The following UBR4 variants were observed in gnomAD, a reference collection of about 807,000 sequenced individuals.
UBR4 encodes the protein E3 ubiquitin-protein ligase UBR4.
A neutral mutation model predicts 575.6 loss-of-function variants in UBR4; 124 were observed. The ratio of observed to expected loss-of-function variants is 0.22; its 90% CI spans 0.19 to 0.25. UBR4 has a LOEUF of 0.25. Ranked by LOEUF, UBR4 falls within the 10% of genes least tolerant of loss-of-function variation. The probability of loss-of-function intolerance (pLI) is 1.00; values close to 1 mark genes in which losing one functional copy is unlikely to be tolerated. For synonymous variants in UBR4, 2,455 were observed against 2,473.7 expected (o/e 0.99, Z 0.22); for missense variants, 4,818 against 6,478.8 (o/e 0.74, Z 8.80).
At chr1:19,156,514 T>C in intron 41 of UBR4, 91 bp from the exon 42 acceptor site, 1 of 1,470,286 alleles carries the variant, frequency 6.8e-7, no homozygotes, top group Non-Finnish European at 9.2e-7. Flanking sequence ...TTTTTTCCTC[T>C]AATATCCCCT....
chr1:19,176,820 TGGTA>T, intron 19 of UBR4, 93 bp from the exon 20 acceptor site: 3 of 1,403,740 alleles, frequency 2.1e-6, no homozygotes, highest in Non-Finnish European at 2.9e-6. Context: ...CACTGAATCT[TGGTA>T]ATCTGAATGT....
At chr1:19,124,485 G>A in intron 65 of UBR4, 56 bp downstream of exon 65, 1 of 1,598,498 alleles carries the variant, frequency 6.3e-7, no homozygotes, top group Non-Finnish European at 8.5e-7. Flanking sequence ...GCCCACAGAG[G>A]TGAATGCAGA....
intron 1 of UBR4, among the ~76,000 whole-genome samples, chr1:19,207,270 A>G (rs756107782): frequency 1.3e-5 from 2 of 152,378 alleles, no homozygotes; most frequent in South Asian, 2.1e-4. Flanking sequence ...ATCTGGTACT[A>G]TAGCTTCCTA....
intron 55 of UBR4, among the ~76,000 whole-genome samples, chr1:19,143,596 C>T (rs2084409580): frequency 6.6e-6 from 1 of 152,174 alleles, no homozygotes; most frequent in Admixed American, 6.5e-5. Context: ...GAGCTTCTAT[C>T]CCAAGAAAAG....
intron 92 of UBR4, among the ~76,000 whole-genome samples, chr1:19,096,276 T>C (rs898410021): frequency 2.6e-5 from 4 of 152,128 alleles, no homozygotes; most frequent in African/African-American, 7.2e-5. Flanking sequence ...AGTGCAGCTA[T>C]TTGGGGAAAG....
chr1:19,140,285 T>C (rs1033784835), intron 58 of UBR4, among the ~76,000 whole-genome samples: 2 of 152,072 alleles, frequency 1.3e-5, no homozygotes, highest in Non-Finnish European at 2.9e-5. Flanking sequence ...AGATTTGCTA[T>C]AGATTTTAAT....
rs1041247989 is a variant in UBR4, at chr1:19,205,542, T to C, written c.177-3727A>G. Among the ~76,000 whole-genome samples, 4 of 152,278 alleles carry C rather than the reference T, an allele frequency of 2.6e-5. 1 individual carries two copies. The South Asian group carries it at 8.3e-4, about 32-fold the overall frequency. Reference sequence around the variant, plus strand: ...AACTGTCTTTCAGATACTTCCCTCATACTCTTGAAAAATCTGTGGTTAATG... The same window carrying C: ...AACTGTCTTTCAGATACTTCCCTCACACTCTTGAAAAATCTGTGGTTAATG... On this transcript the variant is annotated intron_variant, in intron 1 of 105. Coordinates refer to ENST00000375254, the MANE Select transcript of UBR4 (RefSeq NM_020765.3).
chr1:19,184,825 C>T (rs2091365815), intron 15 of UBR4, among the ~76,000 whole-genome samples: 1 of 152,084 alleles, frequency 6.6e-6, no homozygotes, highest in South Asian at 2.1e-4. Flanking sequence ...ACAATCACTC[C>T]CATATGATAG....
intron 27 of UBR4, among the ~76,000 whole-genome samples, chr1:19,169,132 T>C (rs1289998736): frequency 1.3e-5 from 2 of 152,176 alleles, no homozygotes; most frequent in South Asian, 2.1e-4. Flanking sequence ...CCAGGTAATA[T>C]GCTAGGCACT....
chr1:19,176,740 A>AT lies in UBR4; in HGVS notation c.2638-14_2638-13insA. On this transcript the variant is annotated splice_polypyrimidine_tract_variant and intron_variant, in intron 19 of 105. Transcript: ENST00000375254. Reference sequence around the variant, plus strand: ...GGTTATGCTGTACCTTTTAAAACACAAATACTGAAATTAAGAAAGATACAC... The same window carrying AT: ...GGTTATGCTGTACCTTTTAAAACACATAATACTGAAATTAAGAAAGATACAC... 1 of 1,611,474 alleles carries AT rather than the reference A, an allele frequency of 6.2e-7. No individual in the cohort carries two copies.
chr1:19,186,601 G>T lies in UBR4; in HGVS notation c.1689C>A (p.Ser563=), dbSNP rs200820616. 46 of 1,614,006 alleles carry T rather than the reference G, an allele frequency of 2.9e-5. No individual in the cohort carries two copies. In the Middle Eastern group the frequency reaches 9.9e-4, roughly 35 times the overall value. ...KGSMSSDASA[S]TDSNTYYEDD... is the part of the protein sequence containing the mutation. ...CCTCATAGTAAGTATTGGAGTCGGT[G>T]GAGGCGCTGGCATCGCTGCTCATGG... The change falls in exon 14 of 106, where the codon TCC becomes TCA. Residue 563 remains serine (S), a synonymous_variant. Transcript: ENST00000375254.
At chr1:19,156,457 GA>G in intron 41 of UBR4, 34 bp from the exon 42 acceptor site, 1 of 1,604,238 alleles carries the variant, frequency 6.2e-7, no homozygotes, top group Non-Finnish European at 8.5e-7. Context: ...ATGGTGAAAA[GA>G]TGATCTGAAA....
intron 1 of UBR4, among the ~76,000 whole-genome samples, chr1:19,208,337 G>A (rs985269543): frequency 4.6e-5 from 7 of 151,912 alleles, no homozygotes; most frequent in Non-Finnish European, 1.5e-5. Context: ...CGTGGTGGCA[G>A]GCACCTGTAG....
chr1:19,128,153 C>T (rs1037747307), intron 62 of UBR4, 58 bp downstream of exon 62: 1 of 1,510,202 alleles, frequency 6.6e-7, no homozygotes, highest in African/African-American at 1.4e-5. Context: ...CGAATGGGAA[C>T]CTGAGAAAGG....
rs1007596696 is a variant in UBR4 at position 19,164,926 on chromosome 1, C to T, written c.4384G>A (p.Val1462Met). ...SLAQLACVEP[V>M]RLQAWLTRMT... ...CGGGTGAGCCAGGCCTGCAGGCGCA[C>T]AGGTTCCACACAGGCCAGTTGTGCC... The change falls in exon 32 of 106, where the codon GTG becomes ATG. Residue 1462 changes from valine (V) to methionine (M), a missense_variant. Physicochemically the swap from Val to Met is conservative, Grantham distance 21 (BLOSUM62 1). Transcript: ENST00000375254. The T allele has an allele frequency of 6.2e-7, 1 of 1,614,128 alleles. No homozygotes were observed. The highest frequency in any genetic ancestry group is 8.5e-7 in the Non-Finnish European group (1 of 1,180,030).
chr1:19,138,210 A>C, intron 59 of UBR4, 29 bp from the exon 60 acceptor site: 1 of 1,476,236 alleles, frequency 6.8e-7, no homozygotes, highest in Non-Finnish European at 9.1e-7. Context: ...AAAAGCACAA[A>C]TCAACTCCCA....
In UBR4 at chr1:19,154,695, G is replaced by A. The variant is rs192124281; in HGVS notation, c.6458+223C>T. Among the ~76,000 whole-genome samples the A allele has an allele frequency of 3.0e-3, 460 of 152,276 alleles. 2 individuals are homozygous for A. Among genetic ancestry groups the A allele is most frequent in the African/African-American group, 0.011 (443 of 41,534 alleles). On this transcript the variant is annotated intron_variant, in intron 44 of 105. Transcript: ENST00000375254. ...AACAGTGGACCCCTAAACTACCTCT[G>A]ACAGCTTGGGGTCTCCACAGTGGAG...
intron 63 of UBR4, 110 bp from the exon 64 acceptor site, chr1:19,126,765 T>C: frequency 8.8e-7 from 1 of 1,134,078 alleles, no homozygotes; most frequent in Non-Finnish European, 1.3e-6. Context: ...TTAGCTTTTA[T>C]GGCAGTGAGT....
chr1:19,156,004 T>C (rs2086393210), intron 42 of UBR4, among the ~76,000 whole-genome samples: 1 of 152,102 alleles, frequency 6.6e-6, no homozygotes, highest in African/African-American at 2.4e-5. Flanking sequence ...AGTGACAAAA[T>C]ATGGCTTGTT....
Sources: gnomAD v4.1 joint callset for allele counts (sites outside exome capture counted in the v4.1 genomes callset) on GRCh38, gnomAD v4.1.1 for gene constraint, MANE v1.5 for transcripts, NCBI Gene and HGNC (gene_info 2026-07-23, HGNC 2026-07-21) for gene names.